Variants in IRS2 observed in about 807,000 individuals in gnomAD.
IRS2 encodes insulin receptor substrate 2.
A neutral mutation model predicts 70.9 loss-of-function variants in IRS2; 28 were observed. That is an observed-to-expected ratio of 0.39 (90% CI 0.29 to 0.54). The LOEUF (loss-of-function observed/expected upper bound fraction) is 0.54, where lower values mean the gene tolerates loss of function less well. IRS2 is among the 20% of genes least tolerant of loss of function. IRS2 has a pLI of 0.59. For synonymous variants in IRS2, 1,217 were observed against 981.9 expected, an observed-to-expected ratio of 1.24 and a Z score of -4.48; for missense variants, 2,081 against 2,024.1, an observed-to-expected ratio of 1.03 and a Z score of -0.54.
At chr13:109,764,897 G>A (rs1877302888) in intron 1 of IRS2, among the ~76,000 whole-genome samples, 1 of 152,260 alleles carries the variant, frequency 6.6e-6, no homozygotes, top group African/African-American at 2.4e-5. Flanking sequence ...AACAGAAGTA[G>A]AATTGTTTTT....
chr13:109,754,171 C>A lies in IRS2; in HGVS notation c.*2133G>T. The A allele has an allele frequency of 4.3e-6, 1 of 232,262 alleles. No individual in the cohort carries two copies. The highest frequency in any genetic ancestry group is 8.5e-6 in the Non-Finnish European group (1 of 117,296). 14.4% of individuals were successfully genotyped at this position (232,262 alleles called of 1,614,324 possible). ...GTAAGTCAGGCAAAATGTACAAAGA[C>A]CCAATATACATTGTGAAGTTTTAGC... is the stretch of plus-strand genomic sequence containing the variant. On this transcript the variant is annotated 3_prime_UTR_variant, in exon 2 of 2. Transcript: ENST00000375856.
chr13:109,756,456 C>T (rs1877108835), intron 1 of IRS2, 148 bp from the exon 2 acceptor site: 1 of 720,232 alleles, frequency 1.4e-6, no homozygotes, highest in Non-Finnish European at 2.5e-6. Context: ...TGTATTCATT[C>T]TGTTTTCCAG....
Position 109,783,104 on chromosome 13 carries a change from T to A in IRS2, c.2950A>T (p.Ser984Cys), listed in dbSNP as rs766106224. The stretch of plus-strand genomic sequence containing the variant: ...CCCGGCTTAGGAGACTTGGGGGAGC[T>A]GAAGTCGAGGTTCATGTAGTCGGAG... ...PLSDYMNLDF[S>C]SPKSPKPGAP... The change falls in exon 1 of 2, where the codon AGC becomes TGC. Residue 984 changes from serine (S) to cysteine (C), a missense_variant. By Grantham distance (112) the Ser-to-Cys change is moderately radical (BLOSUM62 -1). Transcript: ENST00000375856. The A allele has an allele frequency of 2.9e-6, 4 of 1,390,588 alleles. No individual in the cohort carries two copies. In the East Asian group the frequency reaches 1.2e-4, roughly 40 times the overall value. The allele number at this position is 1,390,588 out of a possible 1,614,324, so 86.1% of individuals were successfully genotyped here. A position where few individuals can be genotyped will look rare whatever the true frequency, so the allele number is the denominator to read the frequency against.
Position 109,782,094 on chromosome 13 carries a change from G to T in IRS2, c.3960C>A (p.Tyr1320Ter). 6.2e-7 allele frequency: 1 copy of T among 1,612,406 alleles called. No individual in the cohort carries two copies. Among genetic ancestry groups the T allele is most frequent in the Non-Finnish European group, 8.5e-7 (1 of 1,179,814 alleles). ...GPGALPPANT[Y>*]ASIDFLSHHL... ...GGTGGGACAAGAAGTCAATGCTGGCGTAGGTGTTGGCAGGGGGCAGGGCAC... is the reference window on the plus strand; with the variant it reads ...GGTGGGACAAGAAGTCAATGCTGGCTTAGGTGTTGGCAGGGGGCAGGGCAC... Residue 1320 changes from tyrosine to a stop codon, truncating the protein, a stop_gained, in exon 1 of 2, where the codon TAC becomes TAA. Transcript: ENST00000375856. LOFTEE classifies it high-confidence loss of function.
In IRS2 at chr13:109,785,685, G is replaced by A. The variant is rs372818543; in HGVS notation, c.369C>T (p.Ala123=). ...IALYTKDEYF[A]VAAENEQEQE... ...GCTCCTGCTCGTTCTCGGCGGCCACGGCGAAGTACTCGTCCTTGGTGTAGA... is the reference window on the plus strand; with the variant it reads ...GCTCCTGCTCGTTCTCGGCGGCCACAGCGAAGTACTCGTCCTTGGTGTAGA... The change falls in exon 1 of 2, where the codon GCC becomes GCT. Residue 123 remains alanine, a synonymous_variant. Coordinates refer to ENST00000375856, the MANE Select transcript of IRS2 (RefSeq NM_003749.3). This position sits in a 1 kb window ranked among gnomAD's most constrained non-coding sequence, Gnocchi z 9.3. 2.5e-6 allele frequency: 4 copies of A among 1,598,948 alleles called. No homozygotes were observed. In the African/African-American group the frequency reaches 5.4e-5, roughly 21 times the overall value.
At chr13:109,777,286 C>T (rs1398762642) in intron 1 of IRS2, among the ~76,000 whole-genome samples, 1 of 152,134 alleles carries the variant, frequency 6.6e-6, no homozygotes, top group Non-Finnish European at 1.5e-5. Flanking sequence ...AACAAAAACC[C>T]TTTCTACTTG....
intron 1 of IRS2, among the ~76,000 whole-genome samples, chr13:109,780,135 A>G (rs904319975): frequency 5.3e-5 from 8 of 152,322 alleles, no homozygotes; most frequent in African/African-American, 1.9e-4. Context: ...CTCCACTGAA[A>G]GCAGGAAAAG....
Position 109,785,775 on chromosome 13 carries a change from G to C in IRS2, c.279C>G (p.Ile93Met). 6.3e-7 allele frequency: 1 copy of C among 1,591,660 alleles called. No homozygotes were observed. The highest frequency in any genetic ancestry group is 8.5e-7 in the Non-Finnish European group (1 of 1,176,316). ...TGATGTTCAGGCAGCAGTCGAGAGC[G>C]ATCACCCGTTTCGGCGCGCCTGCCT... ...RSKAGAPKRV[I>M]ALDCCLNINK... is the part of the protein sequence containing the mutation. The change falls in exon 1 of 2, where the codon ATC (isoleucine) becomes ATG (methionine). Residue 93 changes from isoleucine to methionine, a missense_variant. By Grantham distance (10) the Ile-to-Met change is conservative. Around this residue, in one of 4 missense-constraint regions of IRS2, gnomAD observed 320 missense variants for 352.9 expected, o/e 0.91. Coordinates refer to ENST00000375856, the MANE Select transcript of IRS2 (RefSeq NM_003749.3). This position sits in a 1 kb window ranked among gnomAD's most constrained non-coding sequence, Gnocchi z 9.3.
chr13:109,753,827 C>A lies in IRS2; in HGVS notation c.*2477G>T, dbSNP rs529972699. ...AGAGAATTCGTACAGAAAAAATCTT[C>A]AGGACTGTATTCATTTCATAAATAA... On this transcript the variant is annotated 3_prime_UTR_variant, in exon 2 of 2. Coordinates refer to ENST00000375856, the MANE Select transcript of IRS2 (RefSeq NM_003749.3). 268 of 215,946 alleles carry A rather than the reference C, an allele frequency of 1.2e-3. 1 individual carries two copies. Among genetic ancestry groups the A allele is most frequent in the Non-Finnish European group, 1.8e-3 (188 of 106,996 alleles). 13.4% of individuals were successfully genotyped at this position (215,946 alleles called of 1,614,324 possible). A position where few individuals can be genotyped will look rare whatever the true frequency, so the allele number is the denominator to read the frequency against.
Position 109,784,950 on chromosome 13 carries a change from G to A in IRS2, c.1104C>T (p.Asp368=). 4 of 1,164,922 alleles carry A rather than the reference G, an allele frequency of 3.4e-6. No individual in the cohort carries two copies. Among genetic ancestry groups the A allele is most frequent in the Non-Finnish European group, 4.2e-6 (4 of 945,726 alleles). 72.2% of individuals were successfully genotyped at this position (1,164,922 alleles called of 1,614,324 possible). Residue 368 remains aspartate, a synonymous_variant, in exon 1 of 2, where the codon GAC becomes GAT. Coordinates refer to ENST00000375856, the MANE Select transcript of IRS2 (RefSeq NM_003749.3). The surrounding 1 kb of genome is among the most constrained non-coding windows in gnomAD (Gnocchi z 5.2). The stretch of plus-strand genomic sequence containing the variant: ...CCGCCGCTCCCGCCGCCGCGCCGCC[G>A]TCGCCCTCGCTGGCGGTGCGCACCC... ...SCRVRTASEG[D]GGAAAGAAAA...
intron 1 of IRS2, among the ~76,000 whole-genome samples, chr13:109,771,705 G>C (rs993750189): frequency 6.6e-6 from 1 of 152,232 alleles, no homozygotes; most frequent in Non-Finnish European, 1.5e-5. Context: ...CTGAAGCAAA[G>C]CACTTTAGTA....
intron 1 of IRS2, among the ~76,000 whole-genome samples, chr13:109,779,747 G>T (rs1190659884): frequency 6.6e-6 from 1 of 152,126 alleles, no homozygotes; most frequent in African/African-American, 2.4e-5. Flanking sequence ...GGTTCATCAT[G>T]ATACCCACAC....
chr13:109,785,611 G>A lies in IRS2; in HGVS notation c.443C>T (p.Ala148Val), dbSNP rs752123051. Residue 148 changes from alanine to valine, a missense_variant, in exon 1 of 2, where the codon GCG (alanine) becomes GTG (valine). This residue lies in a region of IRS2 where 320 missense variants were observed against 352.9 expected (regional missense o/e 0.91). Coordinates refer to ENST00000375856, the MANE Select transcript of IRS2 (RefSeq NM_003749.3). The surrounding 1 kb of genome is among the most constrained non-coding windows in gnomAD (Gnocchi z 9.3). ...ALTDLVSEGR[A>V]AAGDAPPAAA... Reference sequence around the variant, plus strand: ...GGCGGGGGGCGCGTCTCCGGCGGCCGCGCGGCCCTCGCTGACCAGGTCGGT... The same window carrying A: ...GGCGGGGGGCGCGTCTCCGGCGGCCACGCGGCCCTCGCTGACCAGGTCGGT... The A allele has an allele frequency of 7.2e-7, 1 of 1,384,112 alleles. No individual in the cohort carries two copies. The highest frequency in any genetic ancestry group is 9.4e-7 in the Non-Finnish European group (1 of 1,062,966). The allele number at this position is 1,384,112 out of a possible 1,614,324, so 85.7% of individuals were successfully genotyped here.
At chr13:109,781,876 A>G (rs9521511) in intron 1 of IRS2, among the ~76,000 whole-genome samples, 166 bp downstream of exon 1, 93,991 of 152,056 alleles carry the variant, frequency 0.62, 29,362 homozygotes, top group African/African-American at 0.69. Context: ...AGTTCTCTGA[A>G]GGAAGAGAAC....
intron 1 of IRS2, among the ~76,000 whole-genome samples, chr13:109,770,283 A>G (rs1396251345): frequency 1.3e-5 from 2 of 152,238 alleles, no homozygotes; most frequent in Non-Finnish European, 2.9e-5. Context: ...GCCTACAAAA[A>G]GGAGCCAAGA....
rs2138931152 is a variant in IRS2 at position 109,782,944 on chromosome 13, G to A, written c.3110C>T (p.Ala1037Val). Residue 1037 changes from alanine to valine, a missense_variant, in exon 1 of 2, where the codon GCC becomes GTC. This residue lies in a region of IRS2 where 1,615 missense variants were observed against 1,459.5 expected (regional missense o/e 1.11). Transcript: ENST00000375856. Reference sequence around the variant, plus strand: ...GGGCAGGCGGTACAGCTCCCCCGGGGCCGGCGGCGGTGGCGGCGGCTGCAG... The same window carrying A: ...GGGCAGGCGGTACAGCTCCCCCGGGACCGGCGGCGGTGGCGGCGGCTGCAG... Reference protein sequence around the residue: ...SSLQPPPPPPAPGELYRLPPA... With the variant: ...SSLQPPPPPPVPGELYRLPPA... 1.4e-6 allele frequency: 2 copies of A among 1,452,784 alleles called. No homozygotes were observed. Among genetic ancestry groups the A allele is most frequent in the South Asian group, 2.8e-5 (2 of 71,190 alleles). 90.0% of individuals were successfully genotyped at this position (1,452,784 alleles called of 1,614,324 possible). A position where few individuals can be genotyped will look rare whatever the true frequency, so the allele number is the denominator to read the frequency against.
In IRS2 at chr13:109,784,112, C is replaced by T. The variant is rs746200401; in HGVS notation, c.1942G>A (p.Gly648Arg). The T allele has an allele frequency of 1.7e-5, 27 of 1,594,870 alleles. No individual in the cohort carries two copies. Among genetic ancestry groups the T allele is most frequent in the Middle Eastern group, 1.6e-4 (1 of 6,070 alleles). The change falls in exon 1 of 2, where the codon GGG becomes AGG. Residue 648 changes from glycine to arginine, a missense_variant. Coordinates refer to ENST00000375856, the MANE Select transcript of IRS2 (RefSeq NM_003749.3). The surrounding 1 kb of genome is among the most constrained non-coding windows in gnomAD (Gnocchi z 5.2). ...ATGGGCATGTAGCCGTCGTCTGCCC[C>T]CAGGTTGCTGCTGGAGCTCCTGTGG... ...GSHRSSSSNL[G>R]ADDGYMPMTP...
At chr13:109,768,277 G>C (rs1877379019) in intron 1 of IRS2, among the ~76,000 whole-genome samples, 1 of 152,138 alleles carries the variant, frequency 6.6e-6, no homozygotes, top group Non-Finnish European at 1.5e-5. Flanking sequence ...TCTGAAGATA[G>C]ACCTAAATGC....
rs1312964196 is a variant in IRS2, at chr13:109,784,659, C to A, written c.1395G>T (p.Pro465=). The stretch of plus-strand genomic sequence containing the variant: ...GCAGCGGATGCGGCAGAGGCGGGTG[C>A]GGGCCGGGCGGCGGCGGGTAGGAGC... ...GSGSYPPPPG[P]HPPLPHPLHH... The change falls in exon 1 of 2, where the codon CCG becomes CCT. Residue 465 remains proline (P), a synonymous_variant. Transcript: ENST00000375856. This position sits in a 1 kb window ranked among gnomAD's most constrained non-coding sequence, Gnocchi z 5.2. 3 of 1,246,486 alleles carry A rather than the reference C, an allele frequency of 2.4e-6. No individual in the cohort carries two copies. Among genetic ancestry groups the A allele is most frequent in the Non-Finnish European group, 3.0e-6 (3 of 997,938 alleles). The allele number at this position is 1,246,486 out of a possible 1,614,324, so 77.2% of individuals were successfully genotyped here. A position where few individuals can be genotyped will look rare whatever the true frequency, so the allele number is the denominator to read the frequency against.
Sources: gnomAD v4.1 joint callset for allele counts (sites outside exome capture counted in the v4.1 genomes callset) on GRCh38, gnomAD v4.1.1 for gene constraint, gnomAD v4.1.1 regional missense constraint, Gnocchi (gnomAD v3.1) non-coding constraint, MANE v1.5 for transcripts, NCBI Gene and HGNC (gene_info 2026-07-23, HGNC 2026-07-21) for gene names.